SMAD2: variants seen among roughly 807,000 people sequenced by gnomAD.
SMAD2 encodes the protein SMAD family member 2.
A neutral mutation model predicts 64.4 loss-of-function variants in SMAD2; 8 were observed. The ratio of observed to expected loss-of-function variants is 0.12; its 90% CI spans 0.07 to 0.22. The LOEUF is 0.22. SMAD2 is among the 10% of genes least tolerant of loss of function. The pLI is 1.00. For synonymous variants in SMAD2, 203 were observed against 195.8 expected (o/e 1.04, Z -0.31); for missense variants, 289 against 561.2 (o/e 0.51, Z 4.90).
intron 1 of SMAD2, among the ~76,000 whole-genome samples, chr18:47,916,928 A>C (rs914920164): frequency 2.6e-5 from 4 of 152,148 alleles, no homozygotes; most frequent in Admixed American, 6.5e-5. Flanking sequence ...CTCCTCTATC[A>C]GTCTTGGCAC....
chr18:47,924,139 T>G (rs2034668454), intron 1 of SMAD2, among the ~76,000 whole-genome samples: 1 of 150,654 alleles, frequency 6.6e-6, no homozygotes, highest in East Asian at 2.0e-4. Context: ...TCCTAGCTAC[T>G]CAGGAGGCTG....
chr18:47,844,200 A>T (rs1234933723), intron 10 of SMAD2, among the ~76,000 whole-genome samples: 1 of 152,184 alleles, frequency 6.6e-6, no homozygotes, highest in East Asian at 1.9e-4. Flanking sequence ...ACAAATATAT[A>T]CCATATATTT....
At chr18:47,926,307 A>C (rs2034760029) in intron 1 of SMAD2, among the ~76,000 whole-genome samples, 1 of 152,240 alleles carries the variant, frequency 6.6e-6, no homozygotes, top group African/African-American at 2.4e-5. Context: ...TTGCACTCTT[A>C]AAAAGATTTT....
rs978083739 is a variant in SMAD2 at position 47,881,585 on chromosome 18, G to A, written c.237-11021C>T. On this transcript the variant is annotated intron_variant, in intron 2 of 10. Coordinates refer to ENST00000262160, the MANE Select transcript of SMAD2 (RefSeq NM_005901.6). ...CAGATCTTTAAACCTTTTATATTTT[G>A]TTTTCCTGACTCATTGCGCTTGCTA... Among the ~76,000 whole-genome samples, 9 of 152,004 alleles carry A rather than the reference G, an allele frequency of 5.9e-5. No homozygotes were observed. The South Asian group carries it at 8.3e-4, about 14-fold the overall frequency.
chr18:47,886,461 G>A (rs1368565747), intron 2 of SMAD2, among the ~76,000 whole-genome samples: 1 of 152,026 alleles, frequency 6.6e-6, no homozygotes, highest in East Asian at 1.9e-4. Flanking sequence ...TTTGTGTTCA[G>A]TATCTCTCAA....
rs1323799157 is a variant in SMAD2 at position 47,828,759 on chromosome 18, T to G, written c.*13068A>C. 5.5e-6 allele frequency: 1 copy of G among 180,452 alleles called. No individual in the cohort carries two copies. Among genetic ancestry groups the G allele is most frequent in the Non-Finnish European group, 1.1e-5 (1 of 91,140 alleles). 11.2% of individuals were successfully genotyped at this position (180,452 alleles called of 1,614,324 possible). ...CATGCTCGTTAAGAGTCATCACCAC[T>G]CCTTAATCTCAAGTACCCAGGGACA... On this transcript the variant is annotated 3_prime_UTR_variant, in exon 11 of 11. Transcript: ENST00000262160.
At chr18:47,842,543 T>C (rs1598742282) in intron 10 of SMAD2, among the ~76,000 whole-genome samples, 1 of 151,062 alleles carries the variant, frequency 6.6e-6, no homozygotes, top group African/African-American at 2.4e-5. Context: ...TGTCTCGGGG[T>C]GGGGGGCAGA....
At chr18:47,854,651 A>T (rs2030494767) in intron 6 of SMAD2, among the ~76,000 whole-genome samples, 1 of 150,560 alleles carries the variant, frequency 6.6e-6, no homozygotes, top group Admixed American at 6.7e-5. Context: ...TTTTTTTTTA[A>T]AAAAAATCTG....
At chr18:47,885,132 T>TATACACACAC (rs1399778516) in intron 2 of SMAD2, among the ~76,000 whole-genome samples, 3 of 142,080 alleles carry the variant, frequency 2.1e-5, no homozygotes, top group Non-Finnish European at 4.6e-5. Flanking sequence ...TTTAGTCATA[T>TATACACACAC]ACACACACAC....
rs1303898414 is a variant in SMAD2 at position 47,825,718 on chromosome 18, A to G, written c.*16109T>C. 1 of 152,250 alleles carries G rather than the reference A, an allele frequency of 6.6e-6. No homozygotes were observed. Among genetic ancestry groups the G allele is most frequent in the Non-Finnish European group, 1.5e-5 (1 of 68,048 alleles). The allele number at this position is 152,250 out of a possible 1,614,324, so 9.4% of individuals were successfully genotyped here. On this transcript the variant is annotated 3_prime_UTR_variant, in exon 11 of 11. Coordinates refer to ENST00000262160, the MANE Select transcript of SMAD2 (RefSeq NM_005901.6). The stretch of plus-strand genomic sequence containing the variant: ...AAGCACAGCCACATCACCAAAGAGA[A>G]CAATTCCTGACCTCCTTGGAAGCAG...
Position 47,841,145 on chromosome 18 carries a change from TAAAAAA to T in SMAD2, c.*676_*681del, listed in dbSNP as rs1158092324. 1.2e-3 allele frequency: 215 copies of T among 185,738 alleles called. No individual in the cohort carries two copies. The highest frequency in any genetic ancestry group is 5.4e-3 in the African/African-American group (199 of 36,700). The allele number at this position is 185,738 out of a possible 1,614,324, so 11.5% of individuals were successfully genotyped here. Reference sequence around the variant, plus strand: ...TTTCCTTATAATAAGATTTAGCAGTTAAAAAAAAAAACAAAAAAAAACAAAAAACCA... The same window carrying T: ...TTTCCTTATAATAAGATTTAGCAGTTAAAAACAAAAAAAAACAAAAAACCA... On this transcript the variant is annotated 3_prime_UTR_variant, in exon 11 of 11. Coordinates refer to ENST00000262160, the MANE Select transcript of SMAD2 (RefSeq NM_005901.6).
intron 6 of SMAD2, among the ~76,000 whole-genome samples, chr18:47,863,383 A>C (rs1032636931): frequency 2.0e-5 from 3 of 152,242 alleles, no homozygotes; most frequent in African/African-American, 7.2e-5. Flanking sequence ...GGTTGGGTTC[A>C]AAGTTAGCCC....
rs150714019 is a variant in SMAD2 at position 47,889,312 on chromosome 18, C to A, written c.236+7209G>T. On this transcript the variant is annotated intron_variant, in intron 2 of 10. Transcript: ENST00000262160. ...TTACTTATATTGCCAGTGAGGACCA[C>A]ACAGGCCTGGAAGGACTCTACTACA... Among the ~76,000 whole-genome samples, 799 of 152,152 alleles carry A rather than the reference C, an allele frequency of 5.3e-3. 3 individuals carry two copies. The highest frequency in any genetic ancestry group is 0.014 in the Middle Eastern group (4 of 294).
chr18:47,895,300 T>TAGA (rs1230196596), intron 2 of SMAD2: 6 of 152,244 alleles, frequency 3.9e-5, no homozygotes, highest in Non-Finnish European at 8.8e-5. Flanking sequence ...TCCCTCTGCC[T>TAGA]AGAAGACTCT....
intron 10 of SMAD2, chr18:47,844,964 C>T: frequency 2.4e-6 from 1 of 419,824 alleles, no homozygotes; most frequent in Non-Finnish European, 4.2e-6. Flanking sequence ...CTCTGCCCAC[C>T]CCATTTATGA....
intron 7 of SMAD2, among the ~76,000 whole-genome samples, chr18:47,849,148 T>C (rs1256164209): frequency 6.6e-6 from 1 of 152,040 alleles, no homozygotes; most frequent in African/African-American, 2.4e-5. Context: ...ATACAAAATA[T>C]GACATATTTT....
chr18:47,841,792 A>G lies in SMAD2; in HGVS notation c.*35T>C. 6.2e-7 allele frequency: 1 copy of G among 1,613,584 alleles called. No homozygotes were observed. Among genetic ancestry groups the G allele is most frequent in the Middle Eastern group, 1.6e-4 (1 of 6,062 alleles). ...AATGCTATGACAGAAGAGTTGTTACATTAAGTCTTTTCATGGGACTTGATT... is the reference window on the plus strand; with the variant it reads ...AATGCTATGACAGAAGAGTTGTTACGTTAAGTCTTTTCATGGGACTTGATT... On this transcript the variant is annotated 3_prime_UTR_variant, in exon 11 of 11. Coordinates refer to ENST00000262160, the MANE Select transcript of SMAD2 (RefSeq NM_005901.6).
At chr18:47,877,230 A>G (rs2032318548) in intron 2 of SMAD2, among the ~76,000 whole-genome samples, 2 of 151,316 alleles carry the variant, frequency 1.3e-5, no homozygotes, top group African/African-American at 4.8e-5. Flanking sequence ...GATTAAAAGC[A>G]TGCTGAACAC....
At chr18:47,844,400 T>C (rs767668210) in intron 10 of SMAD2, among the ~76,000 whole-genome samples, 1 of 152,198 alleles carries the variant, frequency 6.6e-6, no homozygotes, top group East Asian at 1.9e-4. Context: ...GCAATACGAA[T>C]TGAAGAAAGA....
Sources: allele counts gnomAD v4.1 joint callset (sites outside exome capture counted in the v4.1 genomes callset), GRCh38; gene constraint gnomAD v4.1.1; transcripts MANE v1.5; gene names NCBI Gene and HGNC (gene_info 2026-07-23, HGNC 2026-07-21).